Variants in MON2 observed in about 807,000 individuals in gnomAD.
MON2 encodes MON2 regulator of endosome-to-Golgi trafficking.
In MON2, 84 loss-of-function variants were observed where a neutral mutation model predicts 208.6. That is an observed-to-expected ratio of 0.40 (90% confidence interval 0.34 to 0.48). The LOEUF is 0.48. MON2 is among the 20% of genes least tolerant of loss of function. MON2 has a pLI of 0.59. For missense variants in MON2, 1,611 were observed against 2,015.4 expected, an observed-to-expected ratio of 0.80 and a Z score of 3.84; for synonymous variants, 660 against 694.0, an observed-to-expected ratio of 0.95 and a Z score of 0.77.
chr12:62,491,709 C>T (rs61921909), intron 2 of MON2, among the ~76,000 whole-genome samples: 45,053 of 152,032 alleles, frequency 0.3, 6,782 homozygotes, highest in Middle Eastern at 0.35. Flanking sequence ...AGGGCTGCAT[C>T]AGGCCCTGTA....
chr12:62,480,316 TGGGAAGCTGAGACAG>T (rs1260071859), intron 1 of MON2, among the ~76,000 whole-genome samples: 1 of 152,114 alleles, frequency 6.6e-6, no homozygotes, highest in Non-Finnish European at 1.5e-5. Flanking sequence ...CTCAGCACTT[TGGGAAGCTGAGACAG>T]GGGAATCGCT....
In MON2 at chr12:62,506,121, G is replaced by A. The variant is rs780785505; in HGVS notation, c.790-2165G>A. 9.2e-5 allele frequency among the ~76,000 whole-genome samples: 14 copies of A among 152,038 alleles called. 1 individual carries two copies. The highest frequency in any genetic ancestry group is 2.7e-4 in the African/African-American group (11 of 41,390). On this transcript the variant is annotated intron_variant, in intron 7 of 34. Transcript: ENST00000393630. ...TTTTAAGAATTGCTTAAGAATTGCC[G>A]GTATGTTTATATATTTTAACCAATA... is the stretch of plus-strand genomic sequence containing the variant.
intron 32 of MON2, among the ~76,000 whole-genome samples, 194 bp from the exon 33 acceptor site, chr12:62,585,099 AC>A (rs2075164512): frequency 3.7e-5 from 4 of 108,748 alleles, no homozygotes; most frequent in Admixed American, 8.8e-5. Context: ...ACACACACAC[AC>A]ACACACACAC....
intron 14 of MON2, among the ~76,000 whole-genome samples, 197 bp from the exon 15 acceptor site, chr12:62,536,954 G>A (rs1257181188): frequency 6.6e-6 from 1 of 151,964 alleles, no homozygotes; most frequent in Non-Finnish European, 1.5e-5. Context: ...CTCCCAAAAT[G>A]GCTGGGATTA....
chr12:62,537,492 CTTAA>C, intron 15 of MON2, 106 bp from the exon 16 acceptor site: 1 of 838,458 alleles, frequency 1.2e-6, no homozygotes, highest in South Asian at 2.0e-5. Flanking sequence ...AAATCTTTTT[CTTAA>C]TTTTTTCTTT....
chr12:62,556,235 A>G (rs772365682), intron 25 of MON2, 43 bp downstream of exon 25: 2 of 1,569,590 alleles, frequency 1.3e-6, no homozygotes, highest in Non-Finnish European at 1.7e-6. Flanking sequence ...AATTAATGTT[A>G]AAAGAAATTT....
At chr12:62,585,572 A>G (rs2075195444) in intron 33 of MON2, 71 bp downstream of exon 33, 1 of 1,245,960 alleles carries the variant, frequency 8.0e-7, no homozygotes, top group South Asian at 1.6e-5. Flanking sequence ...GAAAACTCTG[A>G]AAAGCAAGTG....
intron 32 of MON2, among the ~76,000 whole-genome samples, chr12:62,581,143 A>G (rs1477655511): frequency 6.6e-6 from 1 of 152,224 alleles, no homozygotes; most frequent in Non-Finnish European, 1.5e-5. Context: ...AAAAAGAACT[A>G]CATGCTTCTT....
chr12:62,585,579 A>G (rs1437285717), intron 33 of MON2, 78 bp downstream of exon 33: 3 of 1,206,860 alleles, frequency 2.5e-6, no homozygotes, highest in Non-Finnish European at 3.4e-6. Flanking sequence ...CTGAAAAGCA[A>G]GTGTTTTTGT....
chr12:62,538,578 G>T, intron 19 of MON2, 73 bp downstream of exon 19: 2 of 1,021,486 alleles, frequency 2.0e-6, no homozygotes, highest in African/African-American at 1.6e-5. Flanking sequence ...TATGATCTTA[G>T]TGTTTTACTA....
chr12:62,516,138 A>G (rs1183971246), intron 8 of MON2, among the ~76,000 whole-genome samples: 1 of 152,192 alleles, frequency 6.6e-6, no homozygotes, highest in East Asian at 1.9e-4. Flanking sequence ...ATGGAACTGC[A>G]GGACATTATG....
intron 8 of MON2, among the ~76,000 whole-genome samples, chr12:62,512,358 C>G (rs2071450630): frequency 6.6e-6 from 1 of 152,154 alleles, no homozygotes; most frequent in South Asian, 2.1e-4. Context: ...AATGGGGGTA[C>G]AAGCATTGGG....
At chr12:62,490,040 A>C (rs1250428969) in intron 2 of MON2, 1 of 1,205,376 alleles carries the variant, frequency 8.3e-7, no homozygotes, top group Non-Finnish European at 1.1e-6. Flanking sequence ...TTCCAGGATA[A>C]AAACTGCAAT....
At chr12:62,587,200 T>TAGTG (rs775840578) in intron 33 of MON2, among the ~76,000 whole-genome samples, 5 of 152,174 alleles carry the variant, frequency 3.3e-5, no homozygotes, top group Non-Finnish European at 7.4e-5. Flanking sequence ...TGTCTCCAAA[T>TAGTG]AGTGCTACCT....
intron 22 of MON2, among the ~76,000 whole-genome samples, chr12:62,549,459 A>C (rs2073646798): frequency 6.8e-6 from 1 of 146,696 alleles, no homozygotes; most frequent in East Asian, 2.0e-4. Flanking sequence ...GTCTCCACAA[A>C]AAAAAAAAAA....
intron 8 of MON2, among the ~76,000 whole-genome samples, chr12:62,519,255 A>C (rs1207579583): frequency 6.6e-6 from 1 of 152,152 alleles, no homozygotes; most frequent in Non-Finnish European, 1.5e-5. Context: ...CACCGTTCCA[A>C]TCATTCAGCC....
At chr12:62,498,827 G>T in intron 4 of MON2, 92 bp from the exon 5 acceptor site, 1 of 1,303,844 alleles carries the variant, frequency 7.7e-7, no homozygotes. Flanking sequence ...TTCCATAATG[G>T]TGATTGAAAC....
chr12:62,486,539 G>A (rs2069807301), intron 2 of MON2, among the ~76,000 whole-genome samples: 1 of 152,010 alleles, frequency 6.6e-6, no homozygotes, highest in South Asian at 2.1e-4. Context: ...CTTTATCCTA[G>A]TATTTTTTCT....
chr12:62,480,642 A>G (rs1047305363), intron 1 of MON2, among the ~76,000 whole-genome samples: 1 of 152,234 alleles, frequency 6.6e-6, no homozygotes, highest in Non-Finnish European at 1.5e-5. Context: ...ATGTGCACAC[A>G]TTCATGGTTC....
Sources: gnomAD v4.1 joint callset for allele counts (sites outside exome capture counted in the v4.1 genomes callset) on GRCh38, gnomAD v4.1.1 for gene constraint, MANE v1.5 for transcripts, NCBI Gene and HGNC (gene_info 2026-07-23, HGNC 2026-07-21) for gene names.